Variants in TENM2 observed in about 807,000 individuals in gnomAD.
The protein encoded by TENM2 is teneurin transmembrane protein 2.
A neutral mutation model predicts 245.2 loss-of-function variants in TENM2; 52 were observed. The ratio of observed to expected loss-of-function variants is 0.21; its 90% CI spans 0.17 to 0.27. The LOEUF is 0.27. Ranked by LOEUF, TENM2 falls within the 10% of genes least tolerant of loss-of-function variation. The pLI is 1.00. For synonymous variants in TENM2, 1,363 were observed against 1,438.9 expected, an observed-to-expected ratio of 0.95 and a Z score of 1.19; for missense variants, 3,046 against 3,666.8, an observed-to-expected ratio of 0.83 and a Z score of 4.37.
intron 2 of TENM2, among the ~76,000 whole-genome samples, chr5:167,555,952 G>T (rs927448995): frequency 2.2e-4 from 33 of 152,202 alleles, no homozygotes; most frequent in Non-Finnish European, 5.9e-5. Context: ...ATTAAAGTGA[G>T]CCGCATTAGT....
chr5:168,149,274 CT>C (rs1182720737), intron 12 of TENM2, among the ~76,000 whole-genome samples: 1 of 152,204 alleles, frequency 6.6e-6, no homozygotes, highest in African/African-American at 2.4e-5. Context: ...CGATGCTCCC[CT>C]GTCACCCTTT....
chr5:167,242,046 GTTT>G, the TENM2 span, among the ~76,000 whole-genome samples: 1 of 131,498 alleles, frequency 7.6e-6, no homozygotes, highest in African/African-American at 2.8e-5. Context: ...TTTGTTTTTT[GTTT>G]TTTTTTTTTT....
At chr5:167,287,493 AC>A (rs1754354718) in intron 1 of TENM2, 1 of 152,194 alleles carries the variant, frequency 6.6e-6, no homozygotes, top group Non-Finnish European at 1.5e-5. Flanking sequence ...CTTCTCACAT[AC>A]AACCAAGTTT....
At chr5:166,987,227 T>C in the TENM2 span, among the ~76,000 whole-genome samples, 3 of 152,198 alleles carry the variant, frequency 2.0e-5, no homozygotes, top group Admixed American at 2.0e-4. Flanking sequence ...TTCTTGGTTT[T>C]TCTCTTGTCA....
rs537828628 is a variant in TENM2, at chr5:167,405,998, C to T, written c.502+30525C>T. Among the ~76,000 whole-genome samples the T allele has an allele frequency of 1.8e-4, 27 of 152,144 alleles. No homozygotes were observed. The South Asian group carries it at 5.6e-3, about 32-fold the overall frequency. ...TGTTAAGACTTTCTCATTTTAATTTCAACCAGAGAAGAATACATTGAATAT... is the reference window on the plus strand; with the variant it reads ...TGTTAAGACTTTCTCATTTTAATTTTAACCAGAGAAGAATACATTGAATAT... On this transcript the variant is annotated intron_variant, in intron 2 of 28. Coordinates refer to ENST00000518659, the Ensembl canonical transcript of TENM2.
chr5:168,216,984 C>G (rs920402984), intron 22 of TENM2, 62 bp downstream of exon 24: 46 of 1,568,240 alleles, frequency 2.9e-5, no homozygotes, highest in Non-Finnish European at 4.0e-5. Context: ...GAGGTTCTTA[C>G]CTGTTTCCTG....
chr5:168,098,907 TTTTTA>T (rs1263693961), intron 9 of TENM2, among the ~76,000 whole-genome samples: 3 of 152,078 alleles, frequency 2.0e-5, no homozygotes, highest in South Asian at 2.1e-4. Flanking sequence ...TCTATTTCAT[TTTTTA>T]TTTTATTTTA....
the TENM2 span, among the ~76,000 whole-genome samples, chr5:167,064,528 A>G: frequency 1.3e-5 from 2 of 152,140 alleles, no homozygotes; most frequent in African/African-American, 4.8e-5. Flanking sequence ...ATGATATTTA[A>G]GTACACAAGT....
intron 25 of TENM2, chr5:168,232,367 T>C (rs1765014106): frequency 6.6e-6 from 1 of 152,192 alleles, no homozygotes; most frequent in African/African-American, 2.4e-5. Context: ...CCACGCTTTG[T>C]GGGCTCTGTA....
chr5:167,774,879 C>A (rs1316654011), intron 2 of TENM2, among the ~76,000 whole-genome samples: 1 of 152,178 alleles, frequency 6.6e-6, no homozygotes, highest in Non-Finnish European at 1.5e-5. Flanking sequence ...GATAGTTTCC[C>A]CCCAGTGCAT....
Position 167,523,604 on chromosome 5 carries a change from A to G in TENM2, c.502+148131A>G, listed in dbSNP as rs376044885. ...GAAAAAAAGAGTCTACTCATGACAA[A>G]TAAAACTATTCTATGCGCCACATTT... On this transcript the variant is annotated intron_variant, in intron 2 of 28. Transcript: ENST00000518659. 3.3e-5 allele frequency among the ~76,000 whole-genome samples: 5 copies of G among 152,312 alleles called. No homozygotes were observed. The East Asian group carries it at 9.7e-4, about 29-fold the overall frequency.
intron 2 of TENM2, among the ~76,000 whole-genome samples, chr5:167,834,887 T>C (rs1768844511): frequency 6.6e-6 from 1 of 152,252 alleles, no homozygotes; most frequent in African/African-American, 2.4e-5. Flanking sequence ...CCTGACCTCG[T>C]GATCCGCCCG....
rs992571730 is a variant in TENM2, at chr5:168,062,814, G to C, written c.1515+549G>C. ...TGATTCCGTTTATGTGTTTTGTCCA[G>C]AATAAGCAAATACATAGAAACAGAA... On this transcript the variant is annotated intron_variant, in intron 7 of 28. Transcript: ENST00000518659. Among the ~76,000 whole-genome samples, 13 of 152,302 alleles carry C rather than the reference G, an allele frequency of 8.5e-5. No homozygotes were observed. The East Asian group carries it at 2.5e-3, about 29-fold the overall frequency.
intron 1 of TENM2, among the ~76,000 whole-genome samples, chr5:167,334,059 A>C (rs1322332373): frequency 6.6e-6 from 1 of 152,154 alleles, no homozygotes; most frequent in Non-Finnish European, 1.5e-5. Context: ...TATTTATTGA[A>C]TCTTTCCTGT....
chr5:167,136,266 GAATGAATCAA>G, the TENM2 span, among the ~76,000 whole-genome samples: 1 of 152,150 alleles, frequency 6.6e-6, no homozygotes. Context: ...CGTATAGGCT[GAATGAATCAA>G]CAAATTGCTA....
At chr5:167,840,060 A>G (rs1014777584) in intron 2 of TENM2, among the ~76,000 whole-genome samples, 2 of 152,204 alleles carry the variant, frequency 1.3e-5, no homozygotes, top group African/African-American at 4.8e-5. Flanking sequence ...ACTTCAGGTG[A>G]TCCACCCGCC....
chr5:167,408,171 A>G (rs1762730369), intron 2 of TENM2, among the ~76,000 whole-genome samples: 2 of 152,168 alleles, frequency 1.3e-5, no homozygotes, highest in African/African-American at 4.8e-5. Flanking sequence ...ATAGAAACAC[A>G]ATAGAGAAAA....
intron 2 of TENM2, among the ~76,000 whole-genome samples, chr5:167,675,956 C>A (rs1213084116): frequency 6.6e-6 from 1 of 152,016 alleles, no homozygotes; most frequent in South Asian, 2.1e-4. Context: ...TGTCAAAGAT[C>A]AGTCTGACTT....
At chr5:167,435,982 T>C (rs1053680099) in intron 2 of TENM2, among the ~76,000 whole-genome samples, 9 of 144,696 alleles carry the variant, frequency 6.2e-5, no homozygotes, top group African/African-American at 2.1e-4. Context: ...TTTCTTTTTT[T>C]TTTTTTTTTT....
Sources: allele counts gnomAD v4.1 joint callset (sites outside exome capture counted in the v4.1 genomes callset), GRCh38; gene constraint gnomAD v4.1.1; transcripts MANE v1.5; gene names NCBI Gene and HGNC (gene_info 2026-07-23, HGNC 2026-07-21).